The following BMPR1B variants were observed in gnomAD, a reference collection of about 807,000 sequenced individuals.
BMPR1B encodes bone morphogenetic protein receptor type 1B.
In BMPR1B, 12 loss-of-function variants were observed where a neutral mutation model predicts 59.1. The ratio of observed to expected loss-of-function variants is 0.20; its 90% CI spans 0.13 to 0.33. The LOEUF is 0.33. Ranked by LOEUF, BMPR1B falls within the 10% of genes least tolerant of loss-of-function variation. BMPR1B has a pLI of 1.00. For synonymous variants in BMPR1B, 237 were observed against 207.3 expected, an observed-to-expected ratio of 1.14 and a Z score of -1.23; for missense variants, 550 against 610.9, an observed-to-expected ratio of 0.90 and a Z score of 1.05.
At chr4:94,974,545 A>G (rs971572233) in intron 2 of BMPR1B, among the ~76,000 whole-genome samples, 3 of 152,182 alleles carry the variant, frequency 2.0e-5, no homozygotes, top group Admixed American at 6.5e-5. Flanking sequence ...TGTTCTTAAC[A>G]TGATCTGCTT....
At chr4:94,869,977 T>A (rs999986210) in intron 1 of BMPR1B, among the ~76,000 whole-genome samples, 3 of 152,186 alleles carry the variant, frequency 2.0e-5, no homozygotes, top group Non-Finnish European at 2.9e-5. Flanking sequence ...TTTAGCAAAC[T>A]TTATGGGCAA....
At chr4:95,100,027 G>A (rs935115446) in intron 3 of BMPR1B, among the ~76,000 whole-genome samples, 1 of 152,078 alleles carries the variant, frequency 6.6e-6, no homozygotes, top group Non-Finnish European at 1.5e-5. Context: ...ACATCTTAGA[G>A]TTCTCTCTTC....
At chr4:95,138,438 A>G (rs1305288327) in intron 10 of BMPR1B, among the ~76,000 whole-genome samples, 1 of 152,026 alleles carries the variant, frequency 6.6e-6, no homozygotes, top group African/African-American at 2.4e-5. Context: ...TATTTCCTGA[A>G]TTTGAATGTT....
intron 2 of BMPR1B, among the ~76,000 whole-genome samples, chr4:94,880,724 C>T (rs1330913221): frequency 6.6e-6 from 1 of 150,838 alleles, no homozygotes; most frequent in East Asian, 1.9e-4. Flanking sequence ...CTACACCTTC[C>T]ACCTCCCAGG....
chr4:94,960,739 G>A (rs888863626), intron 2 of BMPR1B, among the ~76,000 whole-genome samples: 4 of 151,776 alleles, frequency 2.6e-5, no homozygotes, highest in African/African-American at 9.7e-5. Flanking sequence ...ATATATTTTA[G>A]TTTAGAGAGA....
At chr4:95,116,435 A>ACG (rs1732068518) in intron 6 of BMPR1B, among the ~76,000 whole-genome samples, 1 of 150,348 alleles carries the variant, frequency 6.7e-6, no homozygotes. Flanking sequence ...ACACACACAC[A>ACG]CACACACACA....
chr4:94,994,819 TA>T (rs916122927), intron 2 of BMPR1B, among the ~76,000 whole-genome samples: 25 of 152,266 alleles, frequency 1.6e-4, no homozygotes, highest in African/African-American at 5.8e-4. Flanking sequence ...AAGATGAGCC[TA>T]AAGATGATTT....
chr4:94,938,723 C>T (rs1418866435), intron 2 of BMPR1B, among the ~76,000 whole-genome samples: 1 of 152,162 alleles, frequency 6.6e-6, no homozygotes, highest in African/African-American at 2.4e-5. Flanking sequence ...ATAGTTTCCA[C>T]TATCCTCTAT....
chr4:94,843,663 CAAATT>C (rs1460074364), intron 1 of BMPR1B, among the ~76,000 whole-genome samples: 2 of 109,034 alleles, frequency 1.8e-5, no homozygotes, highest in African/African-American at 8.9e-5. Flanking sequence ...TATTCAATGA[CAAATT>C]AAATTTGAAC....
chr4:94,930,298 A>G (rs114472922), intron 2 of BMPR1B, among the ~76,000 whole-genome samples: 98 of 152,182 alleles, frequency 6.4e-4, no homozygotes, highest in African/African-American at 1.9e-3. Context: ...CTGGTTGCAT[A>G]TGTCACCACA....
intron 10 of BMPR1B, among the ~76,000 whole-genome samples, chr4:95,135,487 T>C (rs1286698515): frequency 6.6e-6 from 1 of 152,200 alleles, no homozygotes; most frequent in African/African-American, 2.4e-5. Flanking sequence ...ATTCTTCCTA[T>C]CCATGAGCAT....
chr4:94,820,367 A>C (rs910995141), intron 1 of BMPR1B, among the ~76,000 whole-genome samples: 5 of 152,202 alleles, frequency 3.3e-5, no homozygotes, highest in Non-Finnish European at 5.9e-5. Context: ...AACCTTACAT[A>C]ACTCAAGATT....
chr4:94,915,327 T>C (rs2149016983), intron 2 of BMPR1B, among the ~76,000 whole-genome samples: 1 of 152,326 alleles, frequency 6.6e-6, no homozygotes. Context: ...ATTTGAATCT[T>C]GTTTTGAAAA....
chr4:95,096,774 GT>G (rs1560649987), intron 3 of BMPR1B, among the ~76,000 whole-genome samples: 9 of 83,950 alleles, frequency 1.1e-4, no homozygotes, highest in South Asian at 7.3e-4. Context: ...ACTATGTATA[GT>G]TATATATAAC....
At chr4:95,107,210 A>G (rs1185672827) in intron 4 of BMPR1B, among the ~76,000 whole-genome samples, 1 of 152,054 alleles carries the variant, frequency 6.6e-6, no homozygotes, top group Non-Finnish European at 1.5e-5. Context: ...AGAATTCACA[A>G]TAAAGCAGTG....
intron 7 of BMPR1B, among the ~76,000 whole-genome samples, chr4:95,124,503 T>C (rs1156410863): frequency 1.3e-5 from 2 of 152,074 alleles, no homozygotes; most frequent in African/African-American, 4.8e-5. Flanking sequence ...TCATTTCTAA[T>C]TGAAAACTTA....
chr4:94,803,041 A>T (rs1050496118), intron 1 of BMPR1B, among the ~76,000 whole-genome samples: 1 of 151,784 alleles, frequency 6.6e-6, no homozygotes, highest in Non-Finnish European at 1.5e-5. Flanking sequence ...TGCCGTATTG[A>T]CCTCCAGTGC....
chr4:95,029,990 G>A (rs1283149420), intron 3 of BMPR1B, among the ~76,000 whole-genome samples: 2 of 151,542 alleles, frequency 1.3e-5, no homozygotes, highest in African/African-American at 2.4e-5. Context: ...AAATTTGTTT[G>A]AGTTCATTGT....
At chr4:94,841,262 A>AGGCC (rs1303633829) in intron 1 of BMPR1B, among the ~76,000 whole-genome samples, 1 of 145,320 alleles carries the variant, frequency 6.9e-6, no homozygotes, top group Non-Finnish European at 1.5e-5. Context: ...AGAGGCAGGC[A>AGGCC]GGCCTCCTTG....
Sources: allele counts gnomAD v4.1 joint callset (sites outside exome capture counted in the v4.1 genomes callset), GRCh38; gene constraint gnomAD v4.1.1; transcripts MANE v1.5; gene names NCBI Gene and HGNC (gene_info 2026-07-23, HGNC 2026-07-21).